The following ARID1B variants were observed in gnomAD, a reference collection of about 807,000 sequenced individuals.
ARID1B encodes the protein AT-rich interaction domain 1B.
A neutral mutation model predicts 212.3 loss-of-function variants in ARID1B; 30 were observed. The observed-to-expected ratio is 0.14, with a 90% CI of 0.11 to 0.19. The LOEUF (loss-of-function observed/expected upper bound fraction) is 0.19. Ranked by LOEUF, ARID1B falls within the 10% of genes least tolerant of loss-of-function variation. ARID1B has a pLI of 1.00. For missense variants in ARID1B, 2,891 were observed against 3,204.0 expected, an observed-to-expected ratio of 0.90 and a Z score of 2.36; for synonymous variants, 1,402 against 1,301.7, an observed-to-expected ratio of 1.08 and a Z score of -1.66.
rs2128211181 is a variant in ARID1B at position 156,901,542 on chromosome 6, G to A, written c.2136+17G>A. The stretch of plus-strand genomic sequence containing the variant: ...CCGCAGCAGGTGAGCACAGTGCACT[G>A]CCCCGCAGGGCCCTGTTTTCTCCAC... On this transcript the variant is annotated intron_variant, in intron 3 of 19. Transcript: ENST00000636930. 6.2e-7 allele frequency: 1 copy of A among 1,607,428 alleles called. No homozygotes were observed. The highest frequency in any genetic ancestry group is 8.5e-7 in the Non-Finnish European group (1 of 1,176,844).
intron 6 of ARID1B, among the ~76,000 whole-genome samples, chr6:157,121,262 C>T (rs997676784): frequency 2.0e-5 from 3 of 152,186 alleles, no homozygotes; most frequent in Non-Finnish European, 4.4e-5. Context: ...CCATCCCTGG[C>T]GATTTTGGAG....
At chr6:157,175,931 G>GC (rs2128307534) in intron 11 of ARID1B, 1 of 152,152 alleles carries the variant, frequency 6.6e-6, no homozygotes, top group East Asian at 1.9e-4. Flanking sequence ...TTTCTGTAAG[G>GC]CGATGTATTG....
chr6:157,025,401 T>C lies in ARID1B; in HGVS notation c.2248-59261T>C, dbSNP rs559792015. ...AACAATGATGTGTAAGGCAGAACAG[T>C]ATTCTAGTAGGACGGTAGAACATTC... is the stretch of plus-strand genomic sequence containing the variant. On this transcript the variant is annotated intron_variant, in intron 4 of 19. Coordinates refer to ENST00000636930, the MANE Select transcript of ARID1B (RefSeq NM_001374828.1). Among the ~76,000 whole-genome samples, 34 of 152,366 alleles carry C rather than the reference T, an allele frequency of 2.2e-4. No homozygotes were observed. The South Asian group carries it at 3.7e-3, about 17-fold the overall frequency.
At chr6:157,123,248 CA>C (rs1241584296) in intron 6 of ARID1B, among the ~76,000 whole-genome samples, 3,167 of 100,124 alleles carry the variant, frequency 0.032, 123 homozygotes, top group African/African-American at 0.098. Context: ...GCCCCCCCCC[CA>C]CACACACACA....
rs896908509 is a variant in ARID1B at position 156,930,968 on chromosome 6, T to A, written c.2137-4498T>A. ...CACTTTGGGAGGCCAAGGCGGGCAGTTCACAAGGTCAGGAGATAGAGACCA... is the reference window on the plus strand; with the variant it reads ...CACTTTGGGAGGCCAAGGCGGGCAGATCACAAGGTCAGGAGATAGAGACCA... On this transcript the variant is annotated intron_variant, in intron 3 of 19. Transcript: ENST00000636930. 4.3e-4 allele frequency among the ~76,000 whole-genome samples: 66 copies of A among 152,068 alleles called. 2 individuals carry two copies. Among genetic ancestry groups the A allele is most frequent in the African/African-American group, 1.3e-3 (53 of 41,496 alleles).
At chr6:157,040,679 T>A (rs1363533813) in intron 4 of ARID1B, among the ~76,000 whole-genome samples, 1 of 152,220 alleles carries the variant, frequency 6.6e-6, no homozygotes, top group Non-Finnish European at 1.5e-5. Flanking sequence ...GGGAAACAAG[T>A]GTGCAGTCTC....
At chr6:156,993,190 C>T (rs548772110) in intron 4 of ARID1B, among the ~76,000 whole-genome samples, 13 of 152,108 alleles carry the variant, frequency 8.5e-5, no homozygotes, top group Non-Finnish European at 1.3e-4. Flanking sequence ...TACAGGCAAC[C>T]GCCATCATGC....
chr6:157,096,712 C>T (rs1314127014), intron 5 of ARID1B, among the ~76,000 whole-genome samples: 1 of 152,184 alleles, frequency 6.6e-6, no homozygotes, highest in Admixed American at 6.5e-5. Flanking sequence ...CCTGAGGGTG[C>T]CCACTGCCAC....
chr6:156,996,261 G>C (rs577537985), intron 4 of ARID1B, among the ~76,000 whole-genome samples: 1 of 152,182 alleles, frequency 6.6e-6, no homozygotes, highest in African/African-American at 2.4e-5. Flanking sequence ...TCAGAGCTGA[G>C]CTCTAACTCA....
At chr6:156,841,727 A>G (rs1783914778) in intron 2 of ARID1B, among the ~76,000 whole-genome samples, 1 of 152,110 alleles carries the variant, frequency 6.6e-6, no homozygotes, top group South Asian at 2.1e-4. Flanking sequence ...CTTGTTTTAT[A>G]TGGATTAACT....
rs115660312 is a variant in ARID1B at position 157,069,359 on chromosome 6, C to T, written c.2248-15303C>T. ...CAAGTTCCTGAGGACTGTTTATGGC[C>T]TCTCATTGTCAACTGTGGGCTACCT... is the stretch of plus-strand genomic sequence containing the variant. On this transcript the variant is annotated intron_variant, in intron 4 of 19. Transcript: ENST00000636930. 5.7e-3 allele frequency among the ~76,000 whole-genome samples: 875 copies of T among 152,226 alleles called. 9 individuals carry two copies. The highest frequency in any genetic ancestry group is 0.02 in the African/African-American group (821 of 41,522).
intron 4 of ARID1B, among the ~76,000 whole-genome samples, chr6:156,979,564 G>GTT (rs10707720): frequency 2.2e-3 from 330 of 147,844 alleles, no homozygotes; most frequent in South Asian, 4.5e-3. Context: ...AGCTGTTGCT[G>GTT]TTTTTTTTTT....
At chr6:157,152,219 C>G (rs1021416298) in intron 8 of ARID1B, 2 of 152,122 alleles carry the variant, frequency 1.3e-5, no homozygotes, top group African/African-American at 4.8e-5. Flanking sequence ...TTTGACTGTG[C>G]CTTGCCAAAC....
chr6:157,098,241 G>C (rs1052536962), intron 5 of ARID1B, among the ~76,000 whole-genome samples: 3 of 152,182 alleles, frequency 2.0e-5, no homozygotes, highest in Non-Finnish European at 2.9e-5. Flanking sequence ...GCGAGGATTC[G>C]AGAGAATGGA....
chr6:157,200,635 T>G lies in ARID1B; in HGVS notation c.4480-70T>G. 1 of 1,490,044 alleles carries G rather than the reference T, an allele frequency of 6.7e-7. No homozygotes were observed. The highest frequency in any genetic ancestry group is 9.0e-7 in the Non-Finnish European group (1 of 1,111,648). 92.3% of individuals were successfully genotyped at this position (1,490,044 alleles called of 1,614,324 possible). ...ACATTCTAGCAGGTAATAACTATTT[T>G]GCATAATTTCAGTGTGTGATTATAC... On this transcript the variant is annotated intron_variant, in intron 17 of 19. Coordinates refer to ENST00000636930, the MANE Select transcript of ARID1B (RefSeq NM_001374828.1). The surrounding 1 kb of genome is among the most constrained non-coding windows in gnomAD (Gnocchi z 4.3).
intron 6 of ARID1B, among the ~76,000 whole-genome samples, chr6:157,128,098 T>C (rs958889537): frequency 1.3e-5 from 2 of 152,218 alleles, no homozygotes; most frequent in Non-Finnish European, 2.9e-5. Context: ...ATGAGGAAAC[T>C]GCTAATAGAC....
intron 5 of ARID1B, among the ~76,000 whole-genome samples, chr6:157,095,926 G>A (rs550417624): frequency 4.5e-4 from 69 of 152,096 alleles, no homozygotes; most frequent in Non-Finnish European, 8.7e-4. Flanking sequence ...TTTTTCATGT[G>A]GCCTCAGTGC....
At chr6:157,083,436 C>A (rs1784758590) in intron 4 of ARID1B, among the ~76,000 whole-genome samples, 1 of 152,206 alleles carries the variant, frequency 6.6e-6, no homozygotes, top group Non-Finnish European at 1.5e-5. Context: ...ATGGGGGCCT[C>A]CATGGGAGCC....
chr6:157,180,368 TA>T (rs1031751728), intron 11 of ARID1B, among the ~76,000 whole-genome samples: 129 of 131,386 alleles, frequency 9.8e-4, no homozygotes, highest in Admixed American at 1.0e-3. Context: ...TTAGTTTATC[TA>T]AAAAAAAAAA....
Sources: gnomAD v4.1 joint callset for allele counts (sites outside exome capture counted in the v4.1 genomes callset) on GRCh38, gnomAD v4.1.1 for gene constraint, Gnocchi (gnomAD v3.1) non-coding constraint, MANE v1.5 for transcripts, NCBI Gene and HGNC (gene_info 2026-07-23, HGNC 2026-07-21) for gene names.